Variants in GRK5 observed in about 807,000 individuals in gnomAD.
The protein encoded by GRK5 is G protein-coupled receptor kinase 5.
Under a neutral mutation model 78.4 loss-of-function variants are expected in GRK5, and 40 were observed. That is an observed-to-expected ratio of 0.51 (90% confidence interval 0.40 to 0.66). The LOEUF is 0.66. Ranked by LOEUF, GRK5 falls within the 30% of genes least tolerant of loss-of-function variation. The probability of loss-of-function intolerance (pLI) is 0.00; values close to 1 mark genes in which losing one functional copy is unlikely to be tolerated. For missense variants in GRK5, 598 were observed against 759.9 expected, an observed-to-expected ratio of 0.79 and a Z score of 2.50; for synonymous variants, 289 against 296.8, an observed-to-expected ratio of 0.97 and a Z score of 0.27.
At chr10:119,344,266 G>C (rs1851036647) in intron 2 of GRK5, among the ~76,000 whole-genome samples, 1 of 151,834 alleles carries the variant, frequency 6.6e-6, no homozygotes, top group Admixed American at 6.6e-5. Context: ...TGCCATGTTG[G>C]TGTGCTGCAC....
Position 119,228,410 on chromosome 10 carries a change from C to T in GRK5, c.52+20441C>T, listed in dbSNP as rs1171436953. Among the ~76,000 whole-genome samples, 9 of 145,378 alleles carry T rather than the reference C, an allele frequency of 6.2e-5. No individual in the cohort carries two copies. In the South Asian group the frequency reaches 6.6e-4, roughly 11 times the overall value. ...GCAAAAACGTTATGGAGATCTAGTT[C>T]GAGACCAGCCTGGGCAACATAGTGA... is the stretch of plus-strand genomic sequence containing the variant. On this transcript the variant is annotated intron_variant, in intron 1 of 15. Coordinates refer to ENST00000392870, the MANE Select transcript of GRK5 (RefSeq NM_005308.3).
intron 15 of GRK5, among the ~76,000 whole-genome samples, chr10:119,454,265 A>G (rs1358440683): frequency 6.6e-6 from 1 of 152,254 alleles, no homozygotes; most frequent in Non-Finnish European, 1.5e-5. Flanking sequence ...GGAGTCTCAC[A>G]GACCCGGGTT....
In GRK5 at chr10:119,436,761, C is replaced by T. The variant is rs557091193; in HGVS notation, c.849C>T (p.Phe283=). Reference sequence around the variant, plus strand: ...TCTACAACATGGGCAACCCTGGCTTCGAGGAGGAGCGGGCCTTGTTTTATG... The same window carrying T: ...TCTACAACATGGGCAACCCTGGCTTTGAGGAGGAGCGGGCCTTGTTTTATG... The part of the protein sequence containing the change: ...FHIYNMGNPG[F]EEERALFYAA... Residue 283 remains phenylalanine, a synonymous_variant, in exon 9 of 16, where the codon TTC becomes TTT. Transcript: ENST00000392870. The T allele has an allele frequency of 8.7e-6, 14 of 1,614,162 alleles. No homozygotes were observed. The highest frequency in any genetic ancestry group is 2.2e-5 in the East Asian group (1 of 44,880).
At chr10:119,383,443 C>T (rs1447059420) in intron 3 of GRK5, among the ~76,000 whole-genome samples, 3 of 152,224 alleles carry the variant, frequency 2.0e-5, no homozygotes, top group Non-Finnish European at 4.4e-5. Context: ...AACATGGCAA[C>T]ATTCTAATTC....
intron 1 of GRK5, among the ~76,000 whole-genome samples, chr10:119,306,542 A>T (rs1457378231): frequency 6.6e-6 from 1 of 152,176 alleles, no homozygotes; most frequent in Non-Finnish European, 1.5e-5. Context: ...CCACACTGAG[A>T]TCACACAGCG....
intron 13 of GRK5, among the ~76,000 whole-genome samples, chr10:119,450,322 A>G (rs1429341571): frequency 6.6e-6 from 1 of 152,104 alleles, no homozygotes; most frequent in African/African-American, 2.4e-5. Flanking sequence ...CTATTCCTCT[A>G]CCTTCCAGCA....
chr10:119,385,465 A>G (rs1018794446), intron 3 of GRK5, among the ~76,000 whole-genome samples: 1 of 152,036 alleles, frequency 6.6e-6, no homozygotes, highest in Non-Finnish European at 1.5e-5. Context: ...TCTGGCTTCC[A>G]TGTTGGGAGC....
intron 1 of GRK5, among the ~76,000 whole-genome samples, chr10:119,270,223 C>T (rs1365752347): frequency 6.6e-6 from 1 of 152,234 alleles, no homozygotes; most frequent in African/African-American, 2.4e-5. Flanking sequence ...CCACTTGTCA[C>T]CAAAATGTGT....
intron 4 of GRK5, among the ~76,000 whole-genome samples, chr10:119,417,752 A>G (rs1852490390): frequency 6.6e-6 from 1 of 152,162 alleles, no homozygotes. Context: ...GAGGACAAAA[A>G]GGAGGGGAGA....
intron 1 of GRK5, among the ~76,000 whole-genome samples, chr10:119,236,404 T>C (rs1188388125): frequency 6.6e-5 from 10 of 152,004 alleles, no homozygotes; most frequent in South Asian, 6.2e-4. Flanking sequence ...TTAGTAGAGA[T>C]GGGGTTTCAC....
At chr10:119,281,743 G>A (rs1008270028) in intron 1 of GRK5, among the ~76,000 whole-genome samples, 1 of 152,184 alleles carries the variant, frequency 6.6e-6, no homozygotes, top group Non-Finnish European at 1.5e-5. Flanking sequence ...TGCCATCCCC[G>A]AGCCAGGCCA....
intron 2 of GRK5, among the ~76,000 whole-genome samples, chr10:119,344,558 T>A (rs1237241532): frequency 6.6e-6 from 1 of 152,172 alleles, no homozygotes; most frequent in Non-Finnish European, 1.5e-5. Flanking sequence ...CACCTGTCCC[T>A]TCCCTGCTCT....
At chr10:119,451,987 A>G (rs530356585) in intron 13 of GRK5, among the ~76,000 whole-genome samples, 1 of 152,182 alleles carries the variant, frequency 6.6e-6, no homozygotes, top group South Asian at 2.1e-4. Context: ...AGGCTCTGGG[A>G]AGCCTCCCCA....
intron 3 of GRK5, among the ~76,000 whole-genome samples, chr10:119,394,260 C>CTATGTGTGGGTG (rs1564916856): frequency 4.0e-4 from 2 of 4,978 alleles, no homozygotes; most frequent in African/African-American, 2.2e-3. Context: ...GTGGATGTAT[C>CTATGTGTGGGTG]TGTGTGTGTG....
chr10:119,227,824 C>A (rs1848764938), intron 1 of GRK5, among the ~76,000 whole-genome samples: 1 of 152,158 alleles, frequency 6.6e-6, no homozygotes, highest in South Asian at 2.1e-4. Flanking sequence ...TGAATAGGTT[C>A]TTTCAAACAT....
chr10:119,437,396 G>C (rs1852944661), intron 9 of GRK5, among the ~76,000 whole-genome samples: 4 of 152,208 alleles, frequency 2.6e-5, no homozygotes, highest in Admixed American at 2.0e-4. Flanking sequence ...ACAATGAGCA[G>C]TGCCCTTCAG....
intron 4 of GRK5, among the ~76,000 whole-genome samples, chr10:119,410,040 C>T (rs1483596288): frequency 1.3e-5 from 2 of 152,246 alleles, no homozygotes; most frequent in South Asian, 2.1e-4. Context: ...CCGGGTCCCG[C>T]GAGCCCCCGC....
At chr10:119,279,903 TGGGGTGGTGGTGGAGGAGGAG>T (rs1849733402) in intron 1 of GRK5, among the ~76,000 whole-genome samples, 1 of 151,768 alleles carries the variant, frequency 6.6e-6, no homozygotes, top group African/African-American at 2.4e-5. Flanking sequence ...TGCTGGAGGG[TGGGGTGGTGGTGGAGGAGGAG>T]GGCGCATGAT....
chr10:119,378,490 A>C lies in GRK5; in HGVS notation c.149-2325A>C, dbSNP rs1851659619. ...TACTTAGACCGGGCGAATTCCTCCC[A>C]AAAAAACCTTGCCCTCAGGTAGGTT... On this transcript the variant is annotated intron_variant, in intron 2 of 15. Transcript: ENST00000392870. This position sits in a 1 kb window ranked among gnomAD's most constrained non-coding sequence, Gnocchi z 4.5. Among the ~76,000 whole-genome samples, 1 of 152,178 alleles carries C rather than the reference A, an allele frequency of 6.6e-6. No homozygotes were observed. The highest frequency in any genetic ancestry group is 1.5e-5 in the Non-Finnish European group (1 of 68,004).
Sources: allele counts gnomAD v4.1 joint callset (sites outside exome capture counted in the v4.1 genomes callset), GRCh38; gene constraint gnomAD v4.1.1; non-coding constraint Gnocchi (gnomAD v3.1); transcripts MANE v1.5; gene names NCBI Gene and HGNC (gene_info 2026-07-23, HGNC 2026-07-21).